The following ARHGAP21 variants were observed in gnomAD, a reference collection of about 807,000 sequenced individuals.
The protein encoded by ARHGAP21 is Rho GTPase activating protein 21.
ARHGAP21 carries 38 observed loss-of-function variants against 164.6 expected under a neutral mutation model. The ratio of observed to expected loss-of-function variants is 0.23; its 90% confidence interval spans 0.18 to 0.30. The LOEUF (loss-of-function observed/expected upper bound fraction) is 0.30, where lower values mean the gene tolerates loss of function less well. Ranked by LOEUF, ARHGAP21 falls within the 10% of genes least tolerant of loss-of-function variation. ARHGAP21 has a pLI of 1.00. For missense variants in ARHGAP21, 1,822 were observed against 2,370.7 expected (o/e 0.77, Z 4.81); for synonymous variants, 766 against 857.9 (o/e 0.89, Z 1.87).
intron 8 of ARHGAP21, among the ~76,000 whole-genome samples, chr10:24,621,651 C>T (rs1330938557): frequency 6.6e-6 from 1 of 152,158 alleles, no homozygotes; most frequent in Non-Finnish European, 1.5e-5. Context: ...ATTAGATGTA[C>T]CCACATTACT....
intron 4 of ARHGAP21, among the ~76,000 whole-genome samples, chr10:24,638,030 A>AAGG (rs1294417313): frequency 6.6e-6 from 1 of 151,908 alleles, no homozygotes; most frequent in African/African-American, 2.4e-5. Flanking sequence ...ATGCCTGGCT[A>AAGG]ATTTTTTTGT....
intron 4 of ARHGAP21, among the ~76,000 whole-genome samples, chr10:24,639,610 T>C (rs760895074): frequency 5.3e-5 from 8 of 152,048 alleles, no homozygotes; most frequent in Non-Finnish European, 8.8e-5. Flanking sequence ...TGTCATATTA[T>C]AGGGAAGTCA....
chr10:24,624,437 T>C (rs1183474482), intron 7 of ARHGAP21, among the ~76,000 whole-genome samples: 1 of 146,236 alleles, frequency 6.8e-6, no homozygotes, highest in Admixed American at 7.1e-5. Context: ...CCTCCCAGGT[T>C]CAAGCAATTC....
chr10:24,649,817 A>G (rs2131534363), intron 4 of ARHGAP21, among the ~76,000 whole-genome samples: 1 of 152,250 alleles, frequency 6.6e-6, no homozygotes, highest in South Asian at 2.1e-4. Context: ...AGGAATCACC[A>G]GGCACAGATT....
rs751204253 is a variant in ARHGAP21, at chr10:24,597,839, G to A, written c.3197+106C>T. On this transcript the variant is annotated intron_variant, in intron 15 of 25. Coordinates refer to ENST00000396432, the MANE Select transcript of ARHGAP21 (RefSeq NM_020824.4). ...GTAGAGAGGATTTGGTACTATCTGC[G>A]GTTTCAAGCATCCACTGGGGGTCTT... The A allele has an allele frequency of 1.3e-4, 161 of 1,247,458 alleles. 1 individual carries two copies. Among genetic ancestry groups the A allele is most frequent in the Non-Finnish European group, 1.5e-4 (136 of 880,634 alleles). 77.3% of individuals were successfully genotyped at this position (1,247,458 alleles called of 1,614,324 possible).
intron 2 of ARHGAP21, among the ~76,000 whole-genome samples, chr10:24,711,176 G>A (rs992840868): frequency 6.7e-6 from 1 of 150,170 alleles, no homozygotes; most frequent in African/African-American, 2.4e-5. Flanking sequence ...GAAAGAAAGA[G>A]AGAAAGAGAG....
chr10:24,596,626 A>G, intron 17 of ARHGAP21, 114 bp downstream of exon 17: 1 of 1,466,724 alleles, frequency 6.8e-7, no homozygotes, highest in Non-Finnish European at 9.2e-7. Context: ...GTCTGCTATG[A>G]AAAGGAAAAC....
chr10:24,681,638 G>A (rs1841762733), intron 2 of ARHGAP21, among the ~76,000 whole-genome samples: 1 of 150,428 alleles, frequency 6.6e-6, no homozygotes. Flanking sequence ...AAAGCATTTT[G>A]TCTTTTTTTT....
rs554970188 is a variant in ARHGAP21 at position 24,693,056 on chromosome 10, A to C, written c.64-22659T>G. Among the ~76,000 whole-genome samples, 5 of 152,252 alleles carry C rather than the reference A, an allele frequency of 3.3e-5. No individual in the cohort carries two copies. The South Asian group carries it at 1.0e-3, about 32-fold the overall frequency. On this transcript the variant is annotated intron_variant, in intron 2 of 25. Coordinates refer to ENST00000396432, the MANE Select transcript of ARHGAP21 (RefSeq NM_020824.4). ...AGGCAAAACCACTATATGGTGATGA[A>C]GTCTGGAGAGGGATGATCTTTGGAG...
At chr10:24,633,785 A>G (rs1185091636) in intron 5 of ARHGAP21, among the ~76,000 whole-genome samples, 1 of 150,724 alleles carries the variant, frequency 6.6e-6, no homozygotes, top group Non-Finnish European at 1.5e-5. Flanking sequence ...CAAAAGGTCT[A>G]GTTACCAGGG....
In ARHGAP21 at chr10:24,621,318, C is replaced by T; in HGVS notation, c.577G>A (p.Ala193Thr). 9 of 1,610,506 alleles carry T rather than the reference C, an allele frequency of 5.6e-6. No homozygotes were observed. The highest frequency in any genetic ancestry group is 7.6e-6 in the Non-Finnish European group (9 of 1,178,112). The change falls in exon 9 of 26, where the codon GCC becomes ACC. Residue 193 changes from alanine to threonine, a missense_variant. This residue lies in a region of ARHGAP21 where 1,090 missense variants were observed against 1,378.9 expected (regional missense o/e 0.79). Transcript: ENST00000396432. ...LKGNEAYSGN[A>T]RNIPEPPPIC... ...GGTGGAGGTTCAGGTATATTGCGGG[C>T]ATTGCCGCTATAAGCTTCGTTGCCT... is the stretch of plus-strand genomic sequence containing the variant.
At chr10:24,609,930 T>C (rs1331463763) in intron 9 of ARHGAP21, among the ~76,000 whole-genome samples, 1 of 152,222 alleles carries the variant, frequency 6.6e-6, no homozygotes, top group African/African-American at 2.4e-5. Context: ...TTCTGTTAGA[T>C]GAAAATCAAT....
At chr10:24,643,268 A>G (rs756663934) in intron 4 of ARHGAP21, among the ~76,000 whole-genome samples, 16 of 152,220 alleles carry the variant, frequency 1.1e-4, no homozygotes, top group Non-Finnish European at 1.9e-4. Flanking sequence ...AGCATTGTAC[A>G]TTTCACATGT....
Position 24,613,817 on chromosome 10 carries a change from G to C in ARHGAP21, c.2422+5656C>G, listed in dbSNP as rs138516365. On this transcript the variant is annotated intron_variant, in intron 9 of 25. Transcript: ENST00000396432. ...AGAAAGCATGCACCAGGTCAGCACA[G>C]CAAGGGCTCTAATTTTACAAAGGGC... Among the ~76,000 whole-genome samples the C allele has an allele frequency of 1.5e-3, 231 of 152,292 alleles. 5 individuals carry two copies. In the East Asian group the frequency reaches 0.038, roughly 25 times the overall value.
At chr10:24,665,581 G>A (rs1840109393) in intron 4 of ARHGAP21, among the ~76,000 whole-genome samples, 1 of 152,148 alleles carries the variant, frequency 6.6e-6, no homozygotes, top group Admixed American at 6.5e-5. Flanking sequence ...ATAAAAATCA[G>A]ATCAGTGATT....
chr10:24,677,107 C>T (rs112756226), intron 2 of ARHGAP21, among the ~76,000 whole-genome samples: 2,600 of 152,238 alleles, frequency 0.017, 65 homozygotes, highest in African/African-American at 0.052. Flanking sequence ...GTAATCCCAG[C>T]TACTCTGGCG....
chr10:24,688,856 A>T (rs540010097), intron 2 of ARHGAP21, among the ~76,000 whole-genome samples: 7 of 152,288 alleles, frequency 4.6e-5, no homozygotes, highest in Admixed American at 1.3e-4. Flanking sequence ...AGAATTACTC[A>T]ATCTCAGAGA....
In ARHGAP21 at chr10:24,707,006, C is replaced by T. The variant is rs543246470; in HGVS notation, c.63+14831G>A. Among the ~76,000 whole-genome samples the T allele has an allele frequency of 8.6e-4, 131 of 152,346 alleles. No individual in the cohort carries two copies. In the Middle Eastern group the frequency reaches 0.014, roughly 16 times the overall value. ...AGGCTGTGCCATCATCAATGACGCTCACACTGACTTGATCCCAAGGGTACC... is the reference window on the plus strand; with the variant it reads ...AGGCTGTGCCATCATCAATGACGCTTACACTGACTTGATCCCAAGGGTACC... On this transcript the variant is annotated intron_variant, in intron 2 of 25. Coordinates refer to ENST00000396432, the MANE Select transcript of ARHGAP21 (RefSeq NM_020824.4).
At chr10:24,665,802 GA>G (rs569360373) in intron 4 of ARHGAP21, among the ~76,000 whole-genome samples, 1 of 152,150 alleles carries the variant, frequency 6.6e-6, no homozygotes, top group Admixed American at 6.5e-5. Flanking sequence ...CAGATAAACT[GA>G]AAATGAAGGA....
Sources: gnomAD v4.1 joint callset for allele counts (sites outside exome capture counted in the v4.1 genomes callset) on GRCh38, gnomAD v4.1.1 for gene constraint, gnomAD v4.1.1 regional missense constraint, MANE v1.5 for transcripts, NCBI Gene and HGNC (gene_info 2026-07-23, HGNC 2026-07-21) for gene names.